ABL2: variants seen among roughly 807,000 people sequenced by gnomAD.
ABL2 encodes ABL proto-oncogene 2, non-receptor tyrosine kinase, also known as tyrosine-protein kinase ABL2.
In ABL2, 49 loss-of-function variants were observed where a neutral mutation model predicts 107.7. The ratio of observed to expected loss-of-function variants is 0.45; its 90% confidence interval spans 0.36 to 0.58. The LOEUF (loss-of-function observed/expected upper bound fraction) is 0.58. Ranked by LOEUF, ABL2 falls within the 20% of genes least tolerant of loss-of-function variation. The pLI is 0.00. For missense variants in ABL2, 1,245 were observed against 1,457.0 expected (o/e 0.85, Z 2.37); for synonymous variants, 549 against 548.6 (o/e 1.00, Z -0.01).
chr1:179,183,942 G>C (rs959645991), intron 1 of ABL2: 2 of 266,120 alleles, frequency 7.5e-6, no homozygotes, highest in Non-Finnish European at 1.5e-5. Flanking sequence ...CTCTAGACTT[G>C]CCGAAGAGAG....
In ABL2 at chr1:179,101,357, GAGTCAGAAATGA is replaced by G. The variant is rs1653067735; in HGVS notation, c.*6349_*6360del. 5.2e-6 allele frequency: 1 copy of G among 191,494 alleles called. No individual in the cohort carries two copies. The highest frequency in any genetic ancestry group is 1.1e-5 in the Non-Finnish European group (1 of 93,366). 11.9% of individuals were successfully genotyped at this position (191,494 alleles called of 1,614,324 possible). Reference sequence around the variant, plus strand: ...TCCTGTCCTTTGGATCTAGGATATTGAGTCAGAAATGAAGGTATCCTTTTTTTTTTTTTTCTT... The same window carrying G: ...TCCTGTCCTTTGGATCTAGGATATTGAGGTATCCTTTTTTTTTTTTTTCTT... On this transcript the variant is annotated 3_prime_UTR_variant, in exon 12 of 12. Coordinates refer to ENST00000502732, the MANE Select transcript of ABL2 (RefSeq NM_007314.4).
chr1:179,170,045 A>C (rs1659628886), intron 1 of ABL2, among the ~76,000 whole-genome samples: 2 of 152,138 alleles, frequency 1.3e-5, no homozygotes, highest in Admixed American at 1.3e-4. Flanking sequence ...AACAACAACG[A>C]CAACAACAAA....
intron 1 of ABL2, among the ~76,000 whole-genome samples, chr1:179,138,705 G>A (rs1237145816): frequency 1.3e-5 from 2 of 152,182 alleles, no homozygotes; most frequent in East Asian, 1.9e-4. Flanking sequence ...GCTCGCTCTC[G>A]GTGCCTCCTC....
intron 1 of ABL2, among the ~76,000 whole-genome samples, chr1:179,150,799 A>T (rs988656903): frequency 6.6e-6 from 1 of 152,138 alleles, no homozygotes; most frequent in African/African-American, 2.4e-5. Context: ...TCATGAAAGA[A>T]AGTGTCAACG....
At chr1:179,137,571 A>C (rs1444608238) in intron 1 of ABL2, among the ~76,000 whole-genome samples, 1 of 152,238 alleles carries the variant, frequency 6.6e-6, no homozygotes, top group African/African-American at 2.4e-5. Context: ...AAAACTCAAC[A>C]GTAAAAAGAA....
In ABL2 at chr1:179,106,618, GA is replaced by G. The variant is rs772943918; in HGVS notation, c.*1099del. ...CTGGATTGGGCTTAAGGTGGTAAGGGAAGGGAAAGGTACAGAGAAACAGCCA... is the reference window on the plus strand; with the variant it reads ...CTGGATTGGGCTTAAGGTGGTAAGGGAGGGAAAGGTACAGAGAAACAGCCA... On this transcript the variant is annotated 3_prime_UTR_variant, in exon 12 of 12. Transcript: ENST00000502732. 5.1e-4 allele frequency: 119 copies of G among 232,620 alleles called. No individual in the cohort carries two copies. The highest frequency in any genetic ancestry group is 8.0e-4 in the Non-Finnish European group (94 of 117,770). 14.4% of individuals were successfully genotyped at this position (232,620 alleles called of 1,614,324 possible).
At chr1:179,144,415 G>T (rs549899646) in intron 1 of ABL2, among the ~76,000 whole-genome samples, 8 of 152,100 alleles carry the variant, frequency 5.3e-5, no homozygotes, top group African/African-American at 1.9e-4. Context: ...AGCCAAGATC[G>T]CGCCACTGCA....
intron 1 of ABL2, among the ~76,000 whole-genome samples, chr1:179,203,769 C>T (rs771691735): frequency 6.6e-6 from 1 of 152,102 alleles, no homozygotes; most frequent in Non-Finnish European, 1.5e-5. Context: ...GCCAGTATCA[C>T]GCTGTTTTAA....
intron 1 of ABL2, among the ~76,000 whole-genome samples, chr1:179,225,103 A>G (rs1229846452): frequency 2.0e-5 from 3 of 152,218 alleles, no homozygotes; most frequent in Non-Finnish European, 4.4e-5. Flanking sequence ...CACTCCTTTC[A>G]TACCAAAAAT....
chr1:179,135,212 C>T (rs1041820304), intron 1 of ABL2, among the ~76,000 whole-genome samples: 1 of 151,590 alleles, frequency 6.6e-6, no homozygotes, highest in Non-Finnish European at 1.5e-5. Flanking sequence ...TGTGAGGAGC[C>T]CCTCTGCCTG....
chr1:179,197,607 G>A (rs1006545165), intron 1 of ABL2, among the ~76,000 whole-genome samples: 14 of 150,460 alleles, frequency 9.3e-5, no homozygotes, highest in Non-Finnish European at 1.8e-4. Flanking sequence ...GGTGGCTCAC[G>A]CCTGTAATCC....
At chr1:179,162,959 G>C (rs1307519482) in intron 1 of ABL2, among the ~76,000 whole-genome samples, 1 of 152,106 alleles carries the variant, frequency 6.6e-6, no homozygotes, top group East Asian at 1.9e-4. Flanking sequence ...GTCCTATGGG[G>C]TGTGGTGGAA....
At chr1:179,141,723 GT>G in intron 1 of ABL2, among the ~76,000 whole-genome samples, 1 of 151,790 alleles carries the variant, frequency 6.6e-6, no homozygotes, top group Non-Finnish European at 1.5e-5. Flanking sequence ...CTCCTCTTTT[GT>G]TCTCAAAGAA....
chr1:179,204,909 A>T (rs1265312313), intron 1 of ABL2, among the ~76,000 whole-genome samples: 1 of 152,184 alleles, frequency 6.6e-6, no homozygotes, highest in Admixed American at 6.5e-5. Flanking sequence ...AGATAAATGT[A>T]GTTACTAGAT....
chr1:179,121,578 A>G lies in ABL2; in HGVS notation c.960+17T>C, dbSNP rs762977195. The G allele has an allele frequency of 6.2e-7, 1 of 1,605,554 alleles. No individual in the cohort carries two copies. The highest frequency in any genetic ancestry group is 1.7e-5 in the Admixed American group (1 of 59,474). ...AAAGAAAAAGATGCCTGAAAACTGT[A>G]ATTCTCAGCAACCCACCTTCAATGT... On this transcript the variant is annotated intron_variant, in intron 5 of 11. Coordinates refer to ENST00000502732, the MANE Select transcript of ABL2 (RefSeq NM_007314.4).
At chr1:179,136,418 C>T (rs141196855) in intron 1 of ABL2, among the ~76,000 whole-genome samples, 3,613 of 152,244 alleles carry the variant, frequency 0.024, 112 homozygotes, top group Admixed American at 0.064. Flanking sequence ...ACCCCCAACC[C>T]TGTGCTCCCT....
At position 179,105,977 on chromosome 1, in the gene ABL2, T is replaced by C. The variant is rs28913899; in HGVS notation, c.*1741A>G. 5.8e-3 allele frequency: 1,293 copies of C among 222,768 alleles called. 14 individuals carry two copies. The highest frequency in any genetic ancestry group is 0.027 in the African/African-American group (1,201 of 44,852). The allele number at this position is 222,768 out of a possible 1,614,324, so 13.8% of individuals were successfully genotyped here. A position where few individuals can be genotyped will look rare whatever the true frequency, so the allele number is the denominator to read the frequency against. ...CTTACTTGCAACACCCTTGAGAACA[T>C]GTACTGTTACCTTAATTAAATAGAT... On this transcript the variant is annotated 3_prime_UTR_variant, in exon 12 of 12. Transcript: ENST00000502732.
intron 1 of ABL2, among the ~76,000 whole-genome samples, chr1:179,225,008 A>C (rs772687937): frequency 6.6e-6 from 1 of 152,200 alleles, no homozygotes; most frequent in Non-Finnish European, 1.5e-5. Flanking sequence ...CCTGGGTGGC[A>C]GAGCAAGACC....
intron 1 of ABL2, among the ~76,000 whole-genome samples, chr1:179,202,258 T>C (rs1661716062): frequency 6.6e-6 from 1 of 152,198 alleles, no homozygotes. Context: ...TACCAATTAA[T>C]ATGCAAATTT....
Sources: allele counts gnomAD v4.1 joint callset (sites outside exome capture counted in the v4.1 genomes callset), GRCh38; gene constraint gnomAD v4.1.1; transcripts MANE v1.5; gene names NCBI Gene and HGNC (gene_info 2026-07-23, HGNC 2026-07-21).